Variants in MAP6D1 observed in about 807,000 individuals in gnomAD.
MAP6D1 encodes the protein MAP6 domain-containing protein 1.
MAP6D1 carries 13 observed loss-of-function variants against 17.4 expected under a neutral mutation model. The ratio of observed to expected loss-of-function variants is 0.75; its 90% CI spans 0.49 to 1.19. MAP6D1 has a LOEUF of 1.19. MAP6D1 is among the 50% of genes most tolerant of loss of function. The pLI, the probability that MAP6D1 is intolerant of heterozygous loss-of-function variation, is 0.00. For synonymous variants in MAP6D1, 141 were observed against 145.7 expected (o/e 0.97, Z 0.23); for missense variants, 313 against 312.6 (o/e 1.00, Z -0.01).
At position 183,825,338 on chromosome 3, in the gene MAP6D1, C is replaced by T. The variant is rs2108565127; in HGVS notation, c.210G>A (p.Gln70=). Residue 70 remains glutamine, a synonymous_variant, in exon 1 of 3, where the codon CAG becomes CAA. Coordinates refer to ENST00000318631, the MANE Select transcript of MAP6D1 (RefSeq NM_024871.4). ...SGRDVPLTQY[Q]RDFGLWTTPA... is the part of the protein sequence containing the mutation. ...GCGTGGTCCACAAGCCGAAGTCCCG[C>T]TGGTACTGAGTGAGCGGCACGTCCC... is the stretch of plus-strand genomic sequence containing the variant. 1 of 1,426,026 alleles carries T rather than the reference C, an allele frequency of 7.0e-7. No individual in the cohort carries two copies. Among genetic ancestry groups the T allele is most frequent in the East Asian group, 3.1e-5 (1 of 32,462 alleles). 88.3% of individuals were successfully genotyped at this position (1,426,026 alleles called of 1,614,324 possible).
At chr3:183,823,376 C>A (rs192505416) in intron 1 of MAP6D1, among the ~76,000 whole-genome samples, 1 of 151,368 alleles carries the variant, frequency 6.6e-6, no homozygotes, top group Non-Finnish European at 1.5e-5. Context: ...CCGAGGCAGG[C>A]GGATCATGAG....
At chr3:183,818,772 C>T (rs1727179270) in intron 1 of MAP6D1, among the ~76,000 whole-genome samples, 1 of 152,212 alleles carries the variant, frequency 6.6e-6, no homozygotes, top group Admixed American at 6.5e-5. Context: ...GGTGGCCTGG[C>T]CTTTGCACAG....
chr3:183,823,094 G>A (rs1727296551), intron 1 of MAP6D1, among the ~76,000 whole-genome samples: 1 of 152,184 alleles, frequency 6.6e-6, no homozygotes, highest in South Asian at 2.1e-4. Flanking sequence ...TCGCAGGCTT[G>A]AGGGATCCTC....
chr3:183,819,351 G>A (rs372393042), intron 1 of MAP6D1, among the ~76,000 whole-genome samples: 5 of 152,262 alleles, frequency 3.3e-5, no homozygotes, highest in East Asian at 3.9e-4. Flanking sequence ...TCCTCCTGCG[G>A]AAGCAGGTCC....
chr3:183,817,278 C>T lies in MAP6D1; in HGVS notation c.*78G>A. On this transcript the variant is annotated 3_prime_UTR_variant, in exon 3 of 3. Coordinates refer to ENST00000318631, the MANE Select transcript of MAP6D1 (RefSeq NM_024871.4). ...GCAGGGGCCCATGCCATGCTCTCGC[C>T]CAGCCCCGCGGCAGTGGGTCCTGAG... 2 of 1,426,786 alleles carry T rather than the reference C, an allele frequency of 1.4e-6. No individual in the cohort carries two copies. Among genetic ancestry groups the T allele is most frequent in the African/African-American group, 1.4e-5 (1 of 70,556 alleles). The allele number at this position is 1,426,786 out of a possible 1,614,324, so 88.4% of individuals were successfully genotyped here. A position where few individuals can be genotyped will look rare whatever the true frequency, so the allele number is the denominator to read the frequency against.
rs1727091045 is a variant in MAP6D1, at chr3:183,815,926, TGCATTTTA to T, written c.*1422_*1429del. ...ATTTAAGAAACTGAAACTACATTTT[TGCATTTTA>T]GTAAAATCTGAGATTGTACAGTTTT... On this transcript the variant is annotated 3_prime_UTR_variant, in exon 3 of 3. Transcript: ENST00000318631. 1 of 152,206 alleles carries T rather than the reference TGCATTTTA, an allele frequency of 6.6e-6. No homozygotes were observed. The allele number at this position is 152,206 out of a possible 1,614,324, so 9.4% of individuals were successfully genotyped here. A position where few individuals can be genotyped will look rare whatever the true frequency, so the allele number is the denominator to read the frequency against.
intron 1 of MAP6D1, among the ~76,000 whole-genome samples, chr3:183,822,240 AACACACACACAC>A (rs60341893): frequency 0.017 from 2,411 of 138,660 alleles, 37 homozygotes; most frequent in South Asian, 0.035. Flanking sequence ...CCATCTCTAA[AACACACACACAC>A]ACACACACAC....
intron 1 of MAP6D1, among the ~76,000 whole-genome samples, chr3:183,822,293 A>ACACACACACAC (rs1474517829): frequency 7.5e-6 from 1 of 134,082 alleles, no homozygotes; most frequent in Admixed American, 7.5e-5. Context: ...ACACACACAC[A>ACACACACACAC]AAACCCCACA....
chr3:183,823,196 G>T (rs1234664818), intron 1 of MAP6D1, among the ~76,000 whole-genome samples: 1 of 152,142 alleles, frequency 6.6e-6, no homozygotes, highest in African/African-American at 2.4e-5. Flanking sequence ...GTCTCACTAT[G>T]TTGCCCAGGC....
chr3:183,824,484 TAGAA>T (rs1387889813), intron 1 of MAP6D1, among the ~76,000 whole-genome samples: 1 of 152,080 alleles, frequency 6.6e-6, no homozygotes, highest in East Asian at 1.9e-4. Flanking sequence ...CATTACGGAG[TAGAA>T]AGAACTCGTC....
Position 183,825,558 on chromosome 3 carries a change from G to T in MAP6D1, c.-11C>A. The T allele has an allele frequency of 8.3e-7, 1 of 1,207,066 alleles. No individual in the cohort carries two copies. The highest frequency in any genetic ancestry group is 1.0e-6 in the Non-Finnish European group (1 of 973,906). 74.8% of individuals were successfully genotyped at this position (1,207,066 alleles called of 1,614,324 possible). ...ACAGGGCCACGCCATGCCAGCCCCG[G>T]CGCCCGCCGCCCCGCTCCCGGCGCG... On this transcript the variant is annotated 5_prime_UTR_variant, in exon 1 of 3. Coordinates refer to ENST00000318631, the MANE Select transcript of MAP6D1 (RefSeq NM_024871.4).
At position 183,817,170 on chromosome 3, in the gene MAP6D1, G is replaced by GA; in HGVS notation, c.*185_*186insT. Reference sequence around the variant, plus strand: ...TCAAGAGGATGCTTGAGGCTGAGCTGGGTGTGCCAAGTCCATCGGTGCATC... The same window carrying GA: ...TCAAGAGGATGCTTGAGGCTGAGCTGAGGTGTGCCAAGTCCATCGGTGCATC... On this transcript the variant is annotated 3_prime_UTR_variant, in exon 3 of 3. Coordinates refer to ENST00000318631, the MANE Select transcript of MAP6D1 (RefSeq NM_024871.4). The GA allele has an allele frequency of 1.7e-6, 1 of 591,386 alleles. No individual in the cohort carries two copies. Among genetic ancestry groups the GA allele is most frequent in the Non-Finnish European group, 3.0e-6 (1 of 331,522 alleles). The allele number at this position is 591,386 out of a possible 1,614,324, so 36.6% of individuals were successfully genotyped here.
rs554782277 is a variant in MAP6D1, at chr3:183,816,767, A to G, written c.*589T>C. ...TTAAAACATGAGGCTCATCTTGGCC[A>G]TAAGGAGGTCTGTGAAGTGGAAGCC... On this transcript the variant is annotated 3_prime_UTR_variant, in exon 3 of 3. Transcript: ENST00000318631. 1 of 153,888 alleles carries G rather than the reference A, an allele frequency of 6.5e-6. No individual in the cohort carries two copies. Among genetic ancestry groups the G allele is most frequent in the South Asian group, 2.0e-4 (1 of 4,934 alleles). The allele number at this position is 153,888 out of a possible 1,614,324, so 9.5% of individuals were successfully genotyped here. A position where few individuals can be genotyped will look rare whatever the true frequency, so the allele number is the denominator to read the frequency against.
chr3:183,817,140 G>T lies in MAP6D1; in HGVS notation c.*216C>A. 1 of 551,118 alleles carries T rather than the reference G, an allele frequency of 1.8e-6. No homozygotes were observed. Among genetic ancestry groups the T allele is most frequent in the Non-Finnish European group, 3.3e-6 (1 of 306,664 alleles). 34.1% of individuals were successfully genotyped at this position (551,118 alleles called of 1,614,324 possible). ...TAACGAACGCAGGAGCCTTCCACAGGCTTCTCAAGAGGATGCTTGAGGCTG... is the reference window on the plus strand; with the variant it reads ...TAACGAACGCAGGAGCCTTCCACAGTCTTCTCAAGAGGATGCTTGAGGCTG... On this transcript the variant is annotated 3_prime_UTR_variant, in exon 3 of 3. Transcript: ENST00000318631.
At position 183,825,327 on chromosome 3, in the gene MAP6D1, C is replaced by G; in HGVS notation, c.221G>C (p.Gly74Ala). 1 of 1,381,666 alleles carries G rather than the reference C, an allele frequency of 7.2e-7. No individual in the cohort carries two copies. Among genetic ancestry groups the G allele is most frequent in the Non-Finnish European group, 9.4e-7 (1 of 1,068,518 alleles). 85.6% of individuals were successfully genotyped at this position (1,381,666 alleles called of 1,614,324 possible). A position where few individuals can be genotyped will look rare whatever the true frequency, so the allele number is the denominator to read the frequency against. The change falls in exon 1 of 3, where the codon GGC becomes GCC. Residue 74 changes from glycine to alanine, a missense_variant. Gly to Ala is a moderately conservative substitution (Grantham distance 60). Transcript: ENST00000318631. ...GGGCCCGGCGGGCGTGGTCCACAAGCCGAAGTCCCGCTGGTACTGAGTGAG... is the reference window on the plus strand; with the variant it reads ...GGGCCCGGCGGGCGTGGTCCACAAGGCGAAGTCCCGCTGGTACTGAGTGAG... ...VPLTQYQRDF[G>A]LWTTPAGPKD...
intron 1 of MAP6D1, among the ~76,000 whole-genome samples, chr3:183,820,820 T>C (rs1467152368): frequency 1.3e-5 from 2 of 151,966 alleles, no homozygotes; most frequent in East Asian, 3.9e-4. Context: ...GGCAGGAGAA[T>C]GGCGTGAACC....
chr3:183,818,238 C>A (rs1727165578), intron 1 of MAP6D1, 127 bp from the exon 2 acceptor site: 2 of 749,344 alleles, frequency 2.7e-6, no homozygotes, highest in South Asian at 3.3e-5. Context: ...CCAGGCAGTC[C>A]TCATCATCTT....
intron 1 of MAP6D1, among the ~76,000 whole-genome samples, chr3:183,822,946 T>G (rs1727293774): frequency 6.6e-6 from 1 of 152,248 alleles, no homozygotes; most frequent in Non-Finnish European, 1.5e-5. Context: ...TGGAGCGAGC[T>G]GACTTGCATG....
rs1223872966 is a variant in MAP6D1 at position 183,816,737 on chromosome 3, T to C, written c.*619A>G. 2.6e-5 allele frequency: 4 copies of C among 153,436 alleles called. No homozygotes were observed. Among genetic ancestry groups the C allele is most frequent in the Admixed American group, 6.4e-5 (1 of 15,534 alleles). The allele number at this position is 153,436 out of a possible 1,614,324, so 9.5% of individuals were successfully genotyped here. ...GTGAGTCATTCAATCCCAAGAACTG[T>C]TTTGTTAAAACATGAGGCTCATCTT... is the stretch of plus-strand genomic sequence containing the variant. On this transcript the variant is annotated 3_prime_UTR_variant, in exon 3 of 3. Coordinates refer to ENST00000318631, the MANE Select transcript of MAP6D1 (RefSeq NM_024871.4).
Sources: allele counts gnomAD v4.1 joint callset (sites outside exome capture counted in the v4.1 genomes callset), GRCh38; gene constraint gnomAD v4.1.1; transcripts MANE v1.5; gene names NCBI Gene and HGNC (gene_info 2026-07-23, HGNC 2026-07-21).